The following THBS2 variants were observed in gnomAD, a reference collection of about 807,000 sequenced individuals.
THBS2 encodes thrombospondin-2.
THBS2 carries 47 observed loss-of-function variants against 135.2 expected under a neutral mutation model. The observed-to-expected ratio is 0.35, with a 90% confidence interval of 0.28 to 0.44. THBS2 has a LOEUF of 0.44. Among genes scored for constraint, THBS2 ranks in the 20% least tolerant of loss-of-function variants. THBS2 has a pLI of 1.00. For synonymous variants in THBS2, 639 were observed against 633.8 expected (o/e 1.01, Z -0.12); for missense variants, 1,288 against 1,603.1 (o/e 0.80, Z 3.36).
At chr6:169,243,251 C>T (rs1400666037) in intron 4 of THBS2, among the ~76,000 whole-genome samples, 2 of 152,182 alleles carry the variant, frequency 1.3e-5, no homozygotes, top group Non-Finnish European at 2.9e-5. Flanking sequence ...AGCCCTAGAT[C>T]GTGGGACCTG....
At chr6:169,228,027 G>A in intron 15 of THBS2, 95 bp downstream of exon 15, 1 of 1,435,262 alleles carries the variant, frequency 7.0e-7, no homozygotes, top group East Asian at 2.5e-5. Context: ...ATCGCAGTGA[G>A]CCAAGATGGT....
At chr6:169,223,009 T>A (rs1292554655) in intron 18 of THBS2, among the ~76,000 whole-genome samples, 1 of 152,126 alleles carries the variant, frequency 6.6e-6, no homozygotes, top group African/African-American at 2.4e-5. Context: ...AGGTCCCATT[T>A]CATAGACCAA....
chr6:169,232,213 G>A lies in THBS2; in HGVS notation c.1933-15C>T, dbSNP rs187604130. On this transcript the variant is annotated splice_polypyrimidine_tract_variant and intron_variant, in intron 12 of 21. Transcript: ENST00000617924. ...GGCTCACACACCTACGGGGAGAAGG[G>A]CTGCGGGGTTAGCGACAGGCAGGAC... is the stretch of plus-strand genomic sequence containing the variant. The A allele has an allele frequency of 4.3e-4, 686 of 1,592,576 alleles. 2 individuals are homozygous for A. The African/African-American group carries it at 8.5e-3, about 20-fold the overall frequency.
intron 18 of THBS2, 77 bp downstream of exon 18, chr6:169,223,171 T>TA: frequency 7.3e-7 from 1 of 1,375,418 alleles, no homozygotes; most frequent in Non-Finnish European, 1.0e-6. Context: ...TGCATGATCT[T>TA]AAAGTGCAGT....
chr6:169,237,843 G>T lies in THBS2; in HGVS notation c.1130-48C>A. 3.2e-6 allele frequency: 5 copies of T among 1,584,876 alleles called. No homozygotes were observed. In the South Asian group the frequency reaches 5.6e-5, roughly 18 times the overall value. On this transcript the variant is annotated intron_variant, in intron 7 of 21. Coordinates refer to ENST00000617924, the MANE Select transcript of THBS2 (RefSeq NM_003247.5). ...TGGCATCAGGCCCTGCCTCACAGAC[G>T]TGCCACAGAACAGAACGGGCACAGG...
intron 21 of THBS2, among the ~76,000 whole-genome samples, chr6:169,218,303 GTGGA>G (rs1441353179): frequency 1.3e-5 from 2 of 148,434 alleles, no homozygotes; most frequent in African/African-American, 2.5e-5. Flanking sequence ...AAATGGGTGG[GTGGA>G]TGGATGGATG....
chr6:169,223,733 A>G (rs149558417), intron 17 of THBS2, among the ~76,000 whole-genome samples: 7 of 152,330 alleles, frequency 4.6e-5, no homozygotes, highest in Non-Finnish European at 1.0e-4. Flanking sequence ...AAATTCACAT[A>G]AAGCCATTTC....
intron 7 of THBS2, 108 bp downstream of exon 7, chr6:169,239,491 G>T: frequency 5.9e-6 from 6 of 1,013,118 alleles, no homozygotes; most frequent in Non-Finnish European, 7.3e-6. Context: ...CTGTACTCAG[G>T]GGGCTGAACC....
chr6:169,245,604 A>G (rs774452315), intron 4 of THBS2, among the ~76,000 whole-genome samples: 17 of 152,126 alleles, frequency 1.1e-4, no homozygotes, highest in South Asian at 4.1e-4. Context: ...CATCTTGGCT[A>G]ACACGCTGAA....
intron 15 of THBS2, among the ~76,000 whole-genome samples, chr6:169,227,225 G>A (rs1170587486): frequency 6.6e-6 from 1 of 152,194 alleles, no homozygotes; most frequent in East Asian, 1.9e-4. Flanking sequence ...GAAGTGTGGA[G>A]GAGCTGGGGC....
At position 169,241,877 on chromosome 6, in the gene THBS2, G is replaced by T; in HGVS notation, c.776C>A (p.Ser259Ter). The change falls in exon 5 of 22, where the codon TCG becomes TAG. Residue 259 changes from serine to a stop codon, truncating the protein, a stop_gained. Transcript: ENST00000617924. LOFTEE classifies it high-confidence loss of function. This position sits in a 1 kb window ranked among gnomAD's most constrained non-coding sequence, Gnocchi z 5.5. ...HVTTEYVGPS[S>*]ERRPEVCERS... ...TTCGCACACCTCGGGCCTCCTCTCC[G>T]AGCTGGGGCCCACGTACTCGGTGGT... The T allele has an allele frequency of 6.2e-7, 1 of 1,612,260 alleles. No homozygotes were observed. Among genetic ancestry groups the T allele is most frequent in the Non-Finnish European group, 8.5e-7 (1 of 1,179,954 alleles).
intron 14 of THBS2, 68 bp from the exon 15 acceptor site, chr6:169,228,349 T>TA: frequency 6.4e-7 from 1 of 1,561,890 alleles, no homozygotes; most frequent in Non-Finnish European, 8.7e-7. Context: ...GTTTAGCACT[T>TA]ATAAGTTATG....
At position 169,232,972 on chromosome 6, in the gene THBS2, C is replaced by G; in HGVS notation, c.1697G>C (p.Ser566Thr). Residue 566 changes from serine to threonine, a missense_variant, in exon 11 of 22, where the codon AGC becomes ACC. This residue lies in a region of THBS2 where 874 missense variants were observed against 1,156.1 expected (regional missense o/e 0.76). Coordinates refer to ENST00000617924, the MANE Select transcript of THBS2 (RefSeq NM_003247.5). ...NPCFPGAQCSSFPDGSWSCGS... is the reference protein window; with the variant it reads ...NPCFPGAQCSTFPDGSWSCGS... ...GCATGACCAGGACCCATCGGGGAAG[C>G]TGCTGCACTGGGCTCCCGGGAAGCA... 1 of 1,555,270 alleles carries G rather than the reference C, an allele frequency of 6.4e-7. No homozygotes were observed. Among genetic ancestry groups the G allele is most frequent in the South Asian group, 1.2e-5 (1 of 84,954 alleles).
At chr6:169,245,779 G>A (rs1214353200) in intron 4 of THBS2, among the ~76,000 whole-genome samples, 9 of 138,874 alleles carry the variant, frequency 6.5e-5, no homozygotes, top group African/African-American at 2.1e-4. Flanking sequence ...GTGACAGAGT[G>A]AGACTCTGGC....
rs754443864 is a variant in THBS2, at chr6:169,232,823, G to A, written c.1780-7C>T. 3 of 1,612,112 alleles carry A rather than the reference G, an allele frequency of 1.9e-6. No individual in the cohort carries two copies. Among genetic ancestry groups the A allele is most frequent in the South Asian group, 1.1e-5 (1 of 90,804 alleles). ...TGTCGGGGACCAGGGCACACTGCGG[G>A]GACAAGCAGACATGAGAGGCCGCTC... On this transcript the variant is annotated splice_region_variant and splice_polypyrimidine_tract_variant and intron_variant, in intron 11 of 21. Transcript: ENST00000617924.
intron 4 of THBS2, among the ~76,000 whole-genome samples, chr6:169,245,693 G>A (rs1277018291): frequency 2.0e-5 from 3 of 151,436 alleles, no homozygotes; most frequent in Non-Finnish European, 4.4e-5. Context: ...TCAGGAGGCT[G>A]AGGCAGAAGA....
chr6:169,246,105 A>G (rs1170042964), intron 4 of THBS2, 92 bp downstream of exon 4: 2 of 1,059,082 alleles, frequency 1.9e-6, no homozygotes, highest in East Asian at 4.8e-5. Context: ...ACAAGCATGA[A>G]TGCACACACA....
At chr6:169,219,626 T>G (rs1339291877) in intron 21 of THBS2, among the ~76,000 whole-genome samples, 1 of 152,168 alleles carries the variant, frequency 6.6e-6, no homozygotes, top group African/African-American at 2.4e-5. Flanking sequence ...ATTACAGGCA[T>G]GAGCCACTGC....
chr6:169,232,703 G>A lies in THBS2; in HGVS notation c.1893C>T (p.Pro631=), dbSNP rs748776522. 1.2e-5 allele frequency: 20 copies of A among 1,613,020 alleles called. No homozygotes were observed. The highest frequency in any genetic ancestry group is 1.2e-4 in the Admixed American group (7 of 59,848). Residue 631 remains proline, a synonymous_variant, in exon 12 of 22, where the codon CCC becomes CCT. Coordinates refer to ENST00000617924, the MANE Select transcript of THBS2 (RefSeq NM_003247.5). Reference sequence around the variant, plus strand: ...TGGCTGCTTCCAGGCCGACCCCGACGGGCTGGTTCCCTCTGTATCGGGGCG... The same window carrying A: ...TGGCTGCTTCCAGGCCGACCCCGACAGGCTGGTTCCCTCTGTATCGGGGCG... The part of the protein sequence containing the change: ...PCPPRYRGNQ[P]VGVGLEAAKT...
Sources: allele counts gnomAD v4.1 joint callset (sites outside exome capture counted in the v4.1 genomes callset), GRCh38; gene constraint gnomAD v4.1.1; regional missense constraint gnomAD v4.1.1; non-coding constraint Gnocchi (gnomAD v3.1); transcripts MANE v1.5; gene names NCBI Gene and HGNC (gene_info 2026-07-23, HGNC 2026-07-21).